RUSC2: variants seen among roughly 807,000 people sequenced by gnomAD.
RUSC2 encodes RUN and SH3 domain containing 2, also known as AP-4 complex accessory subunit RUSC2.
Under a neutral mutation model 122.2 loss-of-function variants are expected in RUSC2, and 34 were observed. That is an observed-to-expected ratio of 0.28 (90% confidence interval 0.21 to 0.37). The LOEUF (loss-of-function observed/expected upper bound fraction) is 0.37, where lower values mean the gene tolerates loss of function less well. Ranked by LOEUF, RUSC2 falls within the 10% of genes least tolerant of loss-of-function variation. RUSC2 has a pLI of 1.00. For synonymous variants in RUSC2, 784 were observed against 790.0 expected (o/e 0.99, Z 0.13); for missense variants, 1,747 against 1,952.4 (o/e 0.89, Z 1.98).
chr9:35,556,530 A>ACCTATAAGTGCTGGCTGGGC, intron 5 of RUSC2, 82 bp downstream of exon 5: 1 of 1,327,958 alleles, frequency 7.5e-7, no homozygotes. Flanking sequence ...CCAGTCTGAA[A>ACCTATAAGTGCTGGCTGGGC]CCTCTAAGTG....
intron 1 of RUSC2, among the ~76,000 whole-genome samples, chr9:35,535,496 A>G (rs1587854396): frequency 7.2e-6 from 1 of 138,808 alleles, no homozygotes; most frequent in South Asian, 2.3e-4. Flanking sequence ...AGTCAAGTCT[A>G]CCCACCACTT....
rs906025888 is a variant in RUSC2, at chr9:35,556,534, C to CT, written c.2983+87dup. The CT allele has an allele frequency of 7.9e-6, 12 of 1,526,148 alleles. No homozygotes were observed. In the African/African-American group the frequency reaches 1.5e-4, roughly 19 times the overall value. 94.5% of individuals were successfully genotyped at this position (1,526,148 alleles called of 1,614,324 possible). A position where few individuals can be genotyped will look rare whatever the true frequency, so the allele number is the denominator to read the frequency against. On this transcript the variant is annotated intron_variant, in intron 5 of 11. Coordinates refer to ENST00000361226, the MANE Select transcript of RUSC2 (RefSeq NM_014806.5). ...CTACTACCTAGCCAGTCTGAAACCT[C>CT]TAAGTGCTGGCTGGGCCCAGTGGCT... is the stretch of plus-strand genomic sequence containing the variant.
In RUSC2 at chr9:35,558,466, A is replaced by G; in HGVS notation, c.3240A>G (p.Pro1080=). The change falls in exon 8 of 12, where the codon CCA becomes CCG. Residue 1080 remains proline (P), a synonymous_variant. Coordinates refer to ENST00000361226, the MANE Select transcript of RUSC2 (RefSeq NM_014806.5). The surrounding 1 kb of genome is among the most constrained non-coding windows in gnomAD (Gnocchi z 4.3). ...SVVEASTQLG[P]STKVLHGLYN... is the part of the protein sequence containing the mutation. ...GCAACCCTGGCTTCCTCCCAGGCCCATCCACCAAGGTCCTGCATGGCCTCT... is the reference window on the plus strand; with the variant it reads ...GCAACCCTGGCTTCCTCCCAGGCCCGTCCACCAAGGTCCTGCATGGCCTCT... 2 of 1,614,082 alleles carry G rather than the reference A, an allele frequency of 1.2e-6. No individual in the cohort carries two copies. Among genetic ancestry groups the G allele is most frequent in the Non-Finnish European group, 1.7e-6 (2 of 1,179,956 alleles).
At position 35,498,663 on chromosome 9, in the gene RUSC2, C is replaced by A. The variant is rs551468219; in HGVS notation, c.-93+8491C>A. ...CACGAGGTCAGGAGATCAAGACCAT[C>A]CTGGCCAACATGGTGAAACCCCATG... On this transcript the variant is annotated intron_variant, in intron 1 of 11. Transcript: ENST00000361226. 1.6e-4 allele frequency among the ~76,000 whole-genome samples: 24 copies of A among 151,632 alleles called. No homozygotes were observed. In the East Asian group the frequency reaches 4.7e-3, roughly 30 times the overall value.
chr9:35,558,699 A>G lies in RUSC2; in HGVS notation c.3341+132A>G. The G allele has an allele frequency of 4.1e-6, 3 of 728,810 alleles. No homozygotes were observed. The highest frequency in any genetic ancestry group is 7.1e-6 in the Non-Finnish European group (3 of 421,108). 45.1% of individuals were successfully genotyped at this position (728,810 alleles called of 1,614,324 possible). ...ATCTGGAGGGTCCCCTCAGCCCGCTATGGCCTCTCAGTAGGTCACTGCCTC... is the reference window on the plus strand; with the variant it reads ...ATCTGGAGGGTCCCCTCAGCCCGCTGTGGCCTCTCAGTAGGTCACTGCCTC... On this transcript the variant is annotated intron_variant, in intron 8 of 11. Coordinates refer to ENST00000361226, the MANE Select transcript of RUSC2 (RefSeq NM_014806.5). The surrounding 1 kb of genome is among the most constrained non-coding windows in gnomAD (Gnocchi z 4.3).
chr9:35,537,220 T>C (rs975201383), intron 1 of RUSC2, among the ~76,000 whole-genome samples: 3 of 152,180 alleles, frequency 2.0e-5, no homozygotes, highest in Non-Finnish European at 4.4e-5. Context: ...TCCAGCACAA[T>C]GCATGACTTA....
intron 1 of RUSC2, among the ~76,000 whole-genome samples, chr9:35,491,174 C>G (rs1820560681): frequency 6.6e-6 from 1 of 151,578 alleles, no homozygotes; most frequent in Admixed American, 6.6e-5. Flanking sequence ...GGTGGGTGAC[C>G]TGAGCAGATT....
chr9:35,510,789 C>A (rs976876755), intron 1 of RUSC2, among the ~76,000 whole-genome samples: 1 of 152,228 alleles, frequency 6.6e-6, no homozygotes, highest in African/African-American at 2.4e-5. Context: ...GTTAGATTTC[C>A]CAGGTCCTGC....
intron 1 of RUSC2, among the ~76,000 whole-genome samples, chr9:35,543,401 G>A (rs1316324395): frequency 6.6e-6 from 1 of 152,092 alleles, no homozygotes; most frequent in Non-Finnish European, 1.5e-5. Flanking sequence ...CAGCCTCGGT[G>A]ATAGAGTGAG....
intron 1 of RUSC2, among the ~76,000 whole-genome samples, chr9:35,504,900 G>T (rs1820883552): frequency 6.6e-6 from 1 of 152,158 alleles, no homozygotes; most frequent in Non-Finnish European, 1.5e-5. Flanking sequence ...CCTGGGGTGG[G>T]GTTTGGGGGC....
intron 1 of RUSC2, among the ~76,000 whole-genome samples, chr9:35,518,101 G>C (rs1821143644): frequency 6.6e-6 from 1 of 152,214 alleles, no homozygotes; most frequent in Non-Finnish European, 1.5e-5. Flanking sequence ...TTTATCACTA[G>C]TGATCAAATC....
intron 1 of RUSC2, among the ~76,000 whole-genome samples, chr9:35,543,557 A>G (rs1355594381): frequency 1.3e-5 from 2 of 152,252 alleles, no homozygotes; most frequent in South Asian, 4.1e-4. Context: ...CACTGGTAAC[A>G]GTTTGTTGCA....
intron 1 of RUSC2, among the ~76,000 whole-genome samples, chr9:35,533,206 C>A (rs1469476871): frequency 6.6e-6 from 1 of 151,028 alleles, no homozygotes; most frequent in Non-Finnish European, 1.5e-5. Flanking sequence ...GAGATCGTGC[C>A]ACTGCACTCC....
intron 1 of RUSC2, among the ~76,000 whole-genome samples, chr9:35,530,170 T>A (rs1190327259): frequency 2.0e-5 from 3 of 152,132 alleles, no homozygotes; most frequent in African/African-American, 4.8e-5. Flanking sequence ...GAGGCTGGTA[T>A]CAACTCATAA....
intron 5 of RUSC2, 96 bp downstream of exon 5, chr9:35,556,544 G>GCTGGGCCCTCTAAGTGCTGA: frequency 7.3e-7 from 1 of 1,365,240 alleles, no homozygotes; most frequent in Non-Finnish European, 1.0e-6. Context: ...CTAAGTGCTG[G>GCTGGGCCCTCTAAGTGCTGA]CTGGGCCCAG....
chr9:35,499,064 A>T (rs963825643), intron 1 of RUSC2, among the ~76,000 whole-genome samples: 4 of 152,158 alleles, frequency 2.6e-5, no homozygotes, highest in Non-Finnish European at 4.4e-5. Flanking sequence ...AGGCAGGCAG[A>T]TCACTTGAGG....
chr9:35,556,118 T>C lies in RUSC2; in HGVS notation c.2823T>C (p.His941=), dbSNP rs1822012261. 2 of 1,614,018 alleles carry C rather than the reference T, an allele frequency of 1.2e-6. No homozygotes were observed. The highest frequency in any genetic ancestry group is 1.1e-5 in the South Asian group (1 of 91,086). The part of the protein sequence containing the change: ...EFPGSLSAAS[H]LNCRLNGQAV... ...CTGGCTCCCTCAGTGCTGCCAGCCA[T>C]CTGAACTGCCGGCTGAATGGTGTGT... The change falls in exon 4 of 12, where the codon CAT becomes CAC. Residue 941 remains histidine (H), a synonymous_variant. Transcript: ENST00000361226.
chr9:35,496,688 G>T (rs756515876), intron 1 of RUSC2, among the ~76,000 whole-genome samples: 2 of 151,390 alleles, frequency 1.3e-5, no homozygotes, highest in Non-Finnish European at 2.9e-5. Context: ...CCACCAGAAG[G>T]TGCAAGATCC....
chr9:35,531,851 C>T (rs923618577), intron 1 of RUSC2, among the ~76,000 whole-genome samples: 2 of 152,106 alleles, frequency 1.3e-5, no homozygotes, highest in Non-Finnish European at 2.9e-5. Context: ...CAGTGAAACC[C>T]CTCCTCTACT....
Sources: allele counts gnomAD v4.1 joint callset (sites outside exome capture counted in the v4.1 genomes callset), GRCh38; gene constraint gnomAD v4.1.1; non-coding constraint Gnocchi (gnomAD v3.1); transcripts MANE v1.5; gene names NCBI Gene and HGNC (gene_info 2026-07-23, HGNC 2026-07-21).